Variants in IL18RAP observed in about 807,000 individuals in gnomAD.
The protein encoded by IL18RAP is interleukin 18 receptor accessory protein, also known as interleukin-18 receptor accessory protein.
A neutral mutation model predicts 58.1 loss-of-function variants in IL18RAP; 37 were observed. The ratio of observed to expected loss-of-function variants is 0.64; its 90% CI spans 0.49 to 0.84. The LOEUF is 0.84. Ranked by LOEUF, IL18RAP falls within the 40% of genes least tolerant of loss-of-function variation. The probability of loss-of-function intolerance (pLI) is 0.00; values close to 1 mark genes in which losing one functional copy is unlikely to be tolerated. For missense variants in IL18RAP, 667 were observed against 704.8 expected, an observed-to-expected ratio of 0.95 and a Z score of 0.61; for synonymous variants, 268 against 257.5, an observed-to-expected ratio of 1.04 and a Z score of -0.39.
intron 3 of IL18RAP, among the ~76,000 whole-genome samples, chr2:102,433,628 C>T (rs138643060): frequency 0.02 from 3,114 of 152,218 alleles, 56 homozygotes; most frequent in Middle Eastern, 0.087. Context: ...TCACTGCAAC[C>T]TCCACCTCCC....
At chr2:102,435,194 T>C (rs1682653091) in intron 3 of IL18RAP, 1 of 152,140 alleles carries the variant, frequency 6.6e-6, no homozygotes, top group Admixed American at 6.5e-5. Context: ...AGTGGTTTAA[T>C]TAGGACTAGA....
chr2:102,440,955 TC>T (rs1246961237), intron 4 of IL18RAP, among the ~76,000 whole-genome samples: 1 of 152,206 alleles, frequency 6.6e-6, no homozygotes, highest in Non-Finnish European at 1.5e-5. Flanking sequence ...GGGTGGATTC[TC>T]CTTTCAGTTC....
At chr2:102,446,039 G>A (rs932430903) in intron 7 of IL18RAP, among the ~76,000 whole-genome samples, 1 of 152,202 alleles carries the variant, frequency 6.6e-6, no homozygotes, top group East Asian at 1.9e-4. Context: ...ATGGGAGTAT[G>A]CAGGAGATCC....
chr2:102,447,716 A>G (rs1683514611), intron 8 of IL18RAP, among the ~76,000 whole-genome samples: 2 of 144,524 alleles, frequency 1.4e-5, no homozygotes, highest in African/African-American at 5.3e-5. Context: ...TTATGTATGT[A>G]TGTATGTATG....
chr2:102,436,446 A>G (rs997868802), intron 3 of IL18RAP, among the ~76,000 whole-genome samples: 1 of 152,044 alleles, frequency 6.6e-6, no homozygotes, highest in African/African-American at 2.4e-5. Flanking sequence ...CTTCCTGCCC[A>G]CAGCTGCACT....
At chr2:102,423,083 G>A (rs1407501337), upstream of IL18RAP, 10 of 611,330 alleles carry the variant, frequency 1.6e-5, no homozygotes, top group East Asian at 1.1e-4. Context: ...AGTGAAGGCC[G>A]GTTTGGGTAG....
At chr2:102,448,646 G>A (rs768276604) in intron 8 of IL18RAP, among the ~76,000 whole-genome samples, 5 of 152,098 alleles carry the variant, frequency 3.3e-5, no homozygotes, top group Admixed American at 2.0e-4. Context: ...GATCCCTGGG[G>A]GAAGAAAGGG....
chr2:102,428,872 T>C (rs1365554361), intron 3 of IL18RAP, among the ~76,000 whole-genome samples: 1 of 151,958 alleles, frequency 6.6e-6, no homozygotes, highest in East Asian at 1.9e-4. Context: ...TGAGGTACAG[T>C]CCCTCTATAC....
At chr2:102,450,732 A>T in intron 8 of IL18RAP, 116 bp from the exon 9 acceptor site, 1 of 557,972 alleles carries the variant, frequency 1.8e-6, no homozygotes, top group Non-Finnish European at 2.9e-6. Context: ...TTTAGTCAGG[A>T]TCCCAAATAT....
chr2:102,424,990 C>T (rs1036273096), intron 3 of IL18RAP, among the ~76,000 whole-genome samples: 2 of 152,144 alleles, frequency 1.3e-5, no homozygotes, highest in African/African-American at 2.4e-5. Context: ...ACCACATGTA[C>T]GTGAACTCCC....
intron 8 of IL18RAP, among the ~76,000 whole-genome samples, chr2:102,448,112 TA>T (rs1683544456): frequency 6.6e-6 from 1 of 152,216 alleles, no homozygotes; most frequent in South Asian, 2.1e-4. Flanking sequence ...TCTTGAGGAC[TA>T]GAGTGTATGC....
At chr2:102,419,070 C>G (rs73946811), upstream of IL18RAP, 1 of 152,106 alleles carries the variant, frequency 6.6e-6, no homozygotes, top group African/African-American at 2.4e-5. Flanking sequence ...TTTAGAATAA[C>G]AAAATGGGTT....
intron 8 of IL18RAP, among the ~76,000 whole-genome samples, chr2:102,449,007 A>G (rs141306664): frequency 0.028 from 4,145 of 146,726 alleles, 78 homozygotes; most frequent in Middle Eastern, 0.064. Context: ...AGTGGCTCAC[A>G]TGTGTAATCC....
At chr2:102,425,728 T>G (rs1420269215) in intron 3 of IL18RAP, among the ~76,000 whole-genome samples, 1 of 152,136 alleles carries the variant, frequency 6.6e-6, no homozygotes, top group Non-Finnish European at 1.5e-5. Flanking sequence ...CCCCGTTATT[T>G]CAGATGAAAA....
rs1408940314 is a variant in IL18RAP at position 102,424,364 on chromosome 2, A to G, written c.529A>G (p.Ser177Gly). The change falls in exon 3 of 10, where the codon AGT (serine) becomes GGT (glycine). Residue 177 changes from serine (S) to glycine (G), a missense_variant. Coordinates refer to ENST00000687160, the MANE Select transcript of IL18RAP (RefSeq NM_001393487.1). ...GAGCACTGGCTCTATTTCTTGCCCC[A>G]GTCTCAGCTGCCAAAGTGATGCACA... ...LGSTGSISCP[S>G]LSCQSDAQSP... The G allele has an allele frequency of 6.2e-7, 1 of 1,614,078 alleles. No individual in the cohort carries two copies. The highest frequency in any genetic ancestry group is 8.5e-7 in the Non-Finnish European group (1 of 1,179,950).
upstream of IL18RAP, chr2:102,423,040 CA>C (rs1013527589): frequency 1.8e-6 from 1 of 554,584 alleles, no homozygotes; most frequent in Non-Finnish European, 3.2e-6. Context: ...GGTTGCTACA[CA>C]CCATTGGAAA....
intron 3 of IL18RAP, among the ~76,000 whole-genome samples, chr2:102,431,634 C>T (rs1375993132): frequency 1.3e-5 from 2 of 151,994 alleles, no homozygotes; most frequent in African/African-American, 4.8e-5. Context: ...TTTCAAATGT[C>T]ATCTCTGACA....
At chr2:102,426,533 A>C (rs1424162723) in intron 3 of IL18RAP, among the ~76,000 whole-genome samples, 1 of 152,138 alleles carries the variant, frequency 6.6e-6, no homozygotes. Context: ...AATGGTCAAT[A>C]GATTTTAAAA....
Position 102,424,365 on chromosome 2 carries a change from G to A in IL18RAP, c.530G>A (p.Ser177Asn), listed in dbSNP as rs1453932697. The A allele has an allele frequency of 6.2e-7, 1 of 1,613,944 alleles. No homozygotes were observed. Among genetic ancestry groups the A allele is most frequent in the African/African-American group, 1.3e-5 (1 of 74,912 alleles). ...AGCACTGGCTCTATTTCTTGCCCCA[G>A]TCTCAGCTGCCAAAGTGATGCACAA... Reference protein sequence around the residue: ...LGSTGSISCPSLSCQSDAQSP... With the variant: ...LGSTGSISCPNLSCQSDAQSP... The change falls in exon 3 of 10, where the codon AGT becomes AAT. Residue 177 changes from serine to asparagine, a missense_variant. Ser to Asn is a conservative substitution (Grantham distance 46). Coordinates refer to ENST00000687160, the MANE Select transcript of IL18RAP (RefSeq NM_001393487.1).
Sources: gnomAD v4.1 joint callset for allele counts (sites outside exome capture counted in the v4.1 genomes callset) on GRCh38, gnomAD v4.1.1 for gene constraint, MANE v1.5 for transcripts, NCBI Gene and HGNC (gene_info 2026-07-23, HGNC 2026-07-21) for gene names.